Variants in MALRD1 observed in about 807,000 individuals in gnomAD.
MALRD1 encodes the protein MAM and LDL receptor class A domain containing 1.
MALRD1 carries 247 observed loss-of-function variants against 242.1 expected under a neutral mutation model. The ratio of observed to expected loss-of-function variants is 1.02; its 90% CI spans 0.92 to 1.13. The LOEUF is 1.13. Ranked by LOEUF, MALRD1 falls within the 50% of genes most tolerant of loss-of-function variation. MALRD1 has a pLI of 0.00. For missense variants in MALRD1, 2,989 were observed against 2,533.1 expected, an observed-to-expected ratio of 1.18 and a Z score of -3.86; for synonymous variants, 995 against 866.6, an observed-to-expected ratio of 1.15 and a Z score of -2.60.
chr10:19,132,961 A>G (rs956957169), intron 8 of MALRD1, among the ~76,000 whole-genome samples: 1 of 152,082 alleles, frequency 6.6e-6, no homozygotes, highest in African/African-American at 2.4e-5. Context: ...TTTGAGACGA[A>G]TTCATGCTCT....
chr10:19,326,257 G>T (rs998885130), intron 22 of MALRD1, among the ~76,000 whole-genome samples: 1 of 152,002 alleles, frequency 6.6e-6, no homozygotes, highest in Non-Finnish European at 1.5e-5. Context: ...AGAATTATTT[G>T]CCTGGAATAT....
chr10:19,515,994 T>G lies in MALRD1; in HGVS notation c.5321-15200T>G, dbSNP rs186023371. ...TTTATGATTATGCTTGGATTACTTA[T>G]GAAGATGAGACGTTAAACAACTAGC... On this transcript the variant is annotated intron_variant, in intron 31 of 39. Coordinates refer to ENST00000454679, the MANE Select transcript of MALRD1 (RefSeq NM_001142308.3). Among the ~76,000 whole-genome samples the G allele has an allele frequency of 3.6e-4, 55 of 152,362 alleles. No individual in the cohort carries two copies. In the East Asian group the frequency reaches 9.8e-3, roughly 27 times the overall value.
intron 28 of MALRD1, among the ~76,000 whole-genome samples, chr10:19,416,771 G>A (rs190467029): frequency 3.6e-4 from 55 of 152,216 alleles, no homozygotes; most frequent in African/African-American, 1.1e-3. Flanking sequence ...TCTTAAAAAG[G>A]TTTTCATCTA....
intron 38 of MALRD1, among the ~76,000 whole-genome samples, chr10:19,717,806 C>T (rs1231774150): frequency 6.6e-6 from 1 of 151,966 alleles, no homozygotes; most frequent in Non-Finnish European, 1.5e-5. Context: ...CACTTGAGGT[C>T]AGGAGTTTAA....
chr10:19,271,318 A>G (rs919235647), intron 19 of MALRD1, among the ~76,000 whole-genome samples: 3 of 152,198 alleles, frequency 2.0e-5, no homozygotes, highest in Non-Finnish European at 4.4e-5. Context: ...TGAGGAAAAT[A>G]CCACATGGCA....
Position 19,053,431 on chromosome 10 carries a change from C to T in MALRD1, c.199+4294C>T, listed in dbSNP as rs545629919. On this transcript the variant is annotated intron_variant, in intron 1 of 39. Transcript: ENST00000454679. ...TGCTGCTGCTGCTTCTCAAGATCCT[C>T]GGCAGGAATTAAGAAAGAAGCTGGT... Among the ~76,000 whole-genome samples, 132 of 152,240 alleles carry T rather than the reference C, an allele frequency of 8.7e-4. 1 individual carries two copies. Among genetic ancestry groups the T allele is most frequent in the Middle Eastern group, 3.4e-3 (1 of 294 alleles).
At chr10:19,345,039 T>C (rs933012312) in intron 24 of MALRD1, among the ~76,000 whole-genome samples, 8 of 152,114 alleles carry the variant, frequency 5.3e-5, no homozygotes, top group African/African-American at 1.9e-4. Flanking sequence ...CTCCTTTTAT[T>C]ACCTGGTGCC....
chr10:19,103,551 C>A (rs1407615382), intron 4 of MALRD1, among the ~76,000 whole-genome samples: 98 of 109,634 alleles, frequency 8.9e-4, no homozygotes, highest in South Asian at 1.2e-3. Context: ...GACTCCGTCT[C>A]AAAAAAAAAA....
At chr10:19,543,677 A>C (rs1171278724) in intron 32 of MALRD1, among the ~76,000 whole-genome samples, 1 of 151,998 alleles carries the variant, frequency 6.6e-6, no homozygotes, top group Admixed American at 6.6e-5. Flanking sequence ...CTGTAACCCA[A>C]ACTCTGTAGC....
chr10:19,286,471 G>T (rs1478909336), intron 21 of MALRD1, among the ~76,000 whole-genome samples: 1 of 152,104 alleles, frequency 6.6e-6, no homozygotes, highest in African/African-American at 2.4e-5. Context: ...GAAGGTTGTT[G>T]AATTTTGTCA....
intron 19 of MALRD1, among the ~76,000 whole-genome samples, chr10:19,270,312 CTCTCTTCT>C: frequency 7.6e-6 from 1 of 131,568 alleles, no homozygotes; most frequent in African/African-American, 3.2e-5. Flanking sequence ...GACTGTCTCT[CTCTCTTCT>C]CTCTCTCTCT....
intron 31 of MALRD1, among the ~76,000 whole-genome samples, chr10:19,515,266 T>C (rs899077795): frequency 6.6e-6 from 1 of 152,178 alleles, no homozygotes; most frequent in Non-Finnish European, 1.5e-5. Flanking sequence ...GACCTTAATT[T>C]ACAGGGAACA....
At chr10:19,349,069 C>T (rs576507392) in intron 25 of MALRD1, among the ~76,000 whole-genome samples, 3 of 152,270 alleles carry the variant, frequency 2.0e-5, no homozygotes, top group African/African-American at 7.2e-5. Flanking sequence ...TCAAGTGGTT[C>T]TCCTGCCTCA....
intron 38 of MALRD1, among the ~76,000 whole-genome samples, chr10:19,709,847 T>C (rs1398127839): frequency 6.6e-6 from 1 of 152,214 alleles, no homozygotes; most frequent in Non-Finnish European, 1.5e-5. Flanking sequence ...AACTGACTGA[T>C]GGTTAAAACA....
chr10:19,688,580 A>C (rs368557527), intron 36 of MALRD1, among the ~76,000 whole-genome samples: 85 of 152,244 alleles, frequency 5.6e-4, no homozygotes, highest in African/African-American at 1.5e-3. Context: ...CTTAATAGGT[A>C]GTTATGGTCA....
chr10:19,305,524 T>G (rs1296204724), intron 21 of MALRD1, among the ~76,000 whole-genome samples: 1 of 151,252 alleles, frequency 6.6e-6, no homozygotes, highest in Non-Finnish European at 1.5e-5. Context: ...AGTTTTCAAT[T>G]TTGAACCAAT....
chr10:19,301,141 A>G (rs1841936565), intron 21 of MALRD1, among the ~76,000 whole-genome samples: 1 of 152,160 alleles, frequency 6.6e-6, no homozygotes, highest in East Asian at 1.9e-4. Context: ...AGAGAATTGC[A>G]AATCAAAATC....
At chr10:19,448,330 C>G (rs781765815) in intron 28 of MALRD1, among the ~76,000 whole-genome samples, 4 of 152,092 alleles carry the variant, frequency 2.6e-5, no homozygotes, top group Non-Finnish European at 4.4e-5. Flanking sequence ...TGATTACAAG[C>G]TTTAGAGACA....
At chr10:19,679,170 CA>C (rs2131786433) in intron 36 of MALRD1, among the ~76,000 whole-genome samples, 1 of 152,260 alleles carries the variant, frequency 6.6e-6, no homozygotes, top group East Asian at 1.9e-4. Flanking sequence ...ATGCTGGCCC[CA>C]TTAAATGAGT....
Sources: allele counts gnomAD v4.1 joint callset (sites outside exome capture counted in the v4.1 genomes callset), GRCh38; gene constraint gnomAD v4.1.1; transcripts MANE v1.5; gene names NCBI Gene and HGNC (gene_info 2026-07-23, HGNC 2026-07-21).